The following MAP3K7CL variants were observed in gnomAD, a reference collection of about 807,000 sequenced individuals.
MAP3K7CL encodes the protein MAP3K7 C-terminal like.
MAP3K7CL carries 16 observed loss-of-function variants against 18.6 expected under a neutral mutation model. That is an observed-to-expected ratio of 0.86 (90% confidence interval 0.58 to 1.31). The LOEUF (loss-of-function observed/expected upper bound fraction) is 1.31, where lower values mean the gene tolerates loss of function less well. Ranked by LOEUF, MAP3K7CL falls within the 50% of genes most tolerant of loss-of-function variation. The pLI is 0.00. For missense variants in MAP3K7CL, 163 were observed against 174.4 expected, an observed-to-expected ratio of 0.93 and a Z score of 0.37; for synonymous variants, 65 against 66.8, an observed-to-expected ratio of 0.97 and a Z score of 0.13.
At chr21:29,166,538 A>G (rs1285564845) in intron 4 of MAP3K7CL, among the ~76,000 whole-genome samples, 1 of 152,000 alleles carries the variant, frequency 6.6e-6, no homozygotes, top group Non-Finnish European at 1.5e-5. Context: ...TAAATCTGGC[A>G]CTCTTTGGCA....
At chr21:29,088,975 G>A (rs2085972563) in intron 1 of MAP3K7CL, among the ~76,000 whole-genome samples, 1 of 151,940 alleles carries the variant, frequency 6.6e-6, no homozygotes, top group African/African-American at 2.4e-5. Context: ...TTCAAGACCA[G>A]CCTGGCCAAC....
intron 4 of MAP3K7CL, among the ~76,000 whole-genome samples, chr21:29,104,873 A>G (rs1362097320): frequency 1.3e-5 from 2 of 152,158 alleles, no homozygotes; most frequent in African/African-American, 4.8e-5. Context: ...GCCTTGGCCT[A>G]AGACTCTGGA....
At chr21:29,084,556 G>A (rs540821888), upstream of MAP3K7CL, among the ~76,000 whole-genome samples, 5 of 152,130 alleles carry the variant, frequency 3.3e-5, no homozygotes, top group Non-Finnish European at 7.3e-5. Flanking sequence ...TTTTCATTAG[G>A]GTCAGTCATT....
upstream of MAP3K7CL, among the ~76,000 whole-genome samples, chr21:29,082,016 GA>G (rs2085844083): frequency 6.6e-6 from 1 of 152,188 alleles, no homozygotes. Flanking sequence ...ACCTGGGTTT[GA>G]TAAGTTAAAT....
chr21:29,106,219 C>T (rs2086320225), intron 4 of MAP3K7CL, among the ~76,000 whole-genome samples: 1 of 152,080 alleles, frequency 6.6e-6, no homozygotes, highest in Admixed American at 6.6e-5. Context: ...TGGAGTATTG[C>T]TCTGTCGCCC....
chr21:29,159,655 A>G (rs1420846206), intron 3 of MAP3K7CL, among the ~76,000 whole-genome samples: 1 of 152,172 alleles, frequency 6.6e-6, no homozygotes, highest in Admixed American at 6.5e-5. Flanking sequence ...ACTCCATCAC[A>G]AGGCAGGTAA....
intron 2 of MAP3K7CL, among the ~76,000 whole-genome samples, chr21:29,143,714 C>G (rs759455081): frequency 7.9e-5 from 12 of 152,082 alleles, no homozygotes; most frequent in Admixed American, 7.9e-4. Context: ...TGAGCTACCC[C>G]GCGTGGCCCA....
At chr21:29,167,637 G>A (rs992351853) in intron 4 of MAP3K7CL, among the ~76,000 whole-genome samples, 1 of 151,506 alleles carries the variant, frequency 6.6e-6, no homozygotes, top group Non-Finnish European at 1.5e-5. Context: ...TCACAGATTC[G>A]GGAGGGAGAG....
At chr21:29,101,202 C>T (rs1026882574) in intron 4 of MAP3K7CL, among the ~76,000 whole-genome samples, 1 of 152,118 alleles carries the variant, frequency 6.6e-6, no homozygotes, top group African/African-American at 2.4e-5. Flanking sequence ...CATGATAGGT[C>T]ATGCAAAATG....
intron 2 of MAP3K7CL, among the ~76,000 whole-genome samples, chr21:29,143,688 G>T (rs1835086658): frequency 1.3e-5 from 2 of 152,196 alleles, no homozygotes; most frequent in South Asian, 4.1e-4. Flanking sequence ...CTCCCAAAGT[G>T]CTGGTATTAC....
At chr21:29,089,573 A>G (rs2085986650) in intron 1 of MAP3K7CL, among the ~76,000 whole-genome samples, 2 of 152,126 alleles carry the variant, frequency 1.3e-5, no homozygotes, top group African/African-American at 4.8e-5. Context: ...ACTTGACACC[A>G]TTAAGCTTGT....
chr21:29,135,433 A>G (rs2086865592), intron 2 of MAP3K7CL, among the ~76,000 whole-genome samples: 2 of 152,210 alleles, frequency 1.3e-5, no homozygotes, highest in Non-Finnish European at 2.9e-5. Flanking sequence ...GTCCTGTTAC[A>G]ATCAACAGCC....
At chr21:29,170,033 A>G (rs1715801274) in intron 4 of MAP3K7CL, among the ~76,000 whole-genome samples, 1 of 152,252 alleles carries the variant, frequency 6.6e-6, no homozygotes, top group African/African-American at 2.4e-5. Flanking sequence ...AATAGAACCA[A>G]TAAATCAAAG....
At chr21:29,161,780 T>G (rs2087555339) in intron 4 of MAP3K7CL, among the ~76,000 whole-genome samples, 1 of 152,156 alleles carries the variant, frequency 6.6e-6, no homozygotes, top group South Asian at 2.1e-4. Context: ...ATCCTTACAA[T>G]TTTTTTGAGA....
chr21:29,174,652 A>T, intron 4 of MAP3K7CL, 60 bp from the exon 5 acceptor site: 1 of 1,573,662 alleles, frequency 6.4e-7, no homozygotes, highest in Non-Finnish European at 8.7e-7. Context: ...ATTACTGAAT[A>T]ATTTAATTTG....
chr21:29,161,510 AGGTT>A (rs1452914721), intron 4 of MAP3K7CL, among the ~76,000 whole-genome samples: 1 of 152,090 alleles, frequency 6.6e-6, no homozygotes, highest in African/African-American at 2.4e-5. Flanking sequence ...TAAATACATG[AGGTT>A]GGTTTTCCAA....
chr21:29,112,404 T>C (rs930673218), intron 4 of MAP3K7CL, among the ~76,000 whole-genome samples: 4 of 152,336 alleles, frequency 2.6e-5, no homozygotes, highest in Admixed American at 6.5e-5. Flanking sequence ...CAAATTTTTC[T>C]TTTATTACTT....
chr21:29,093,260 A>G (rs2086061729), intron 4 of MAP3K7CL, among the ~76,000 whole-genome samples: 1 of 152,214 alleles, frequency 6.6e-6, no homozygotes, highest in Non-Finnish European at 1.5e-5. Context: ...TTGTGTAAAT[A>G]TCTACAGATA....
chr21:29,115,608 C>G (rs530693043), intron 4 of MAP3K7CL, among the ~76,000 whole-genome samples: 123 of 152,266 alleles, frequency 8.1e-4, no homozygotes, highest in African/African-American at 2.8e-3. Context: ...CTCCATTTCC[C>G]CATCTGTAAA....
Sources: allele counts gnomAD v4.1 joint callset (sites outside exome capture counted in the v4.1 genomes callset), GRCh38; gene constraint gnomAD v4.1.1; transcripts MANE v1.5; gene names NCBI Gene and HGNC (gene_info 2026-07-23, HGNC 2026-07-21).